Variants in ACE observed in about 807,000 individuals in gnomAD.
ACE encodes angiotensin I converting enzyme.
Under a neutral mutation model 162.3 loss-of-function variants are expected in ACE, and 122 were observed. The observed-to-expected ratio is 0.75, with a 90% CI of 0.65 to 0.87. ACE has a LOEUF of 0.87. Ranked by LOEUF, ACE falls within the 40% of genes least tolerant of loss-of-function variation. The pLI is 0.00. For synonymous variants in ACE, 796 were observed against 720.6 expected (o/e 1.10, Z -1.68); for missense variants, 1,799 against 1,735.1 (o/e 1.04, Z -0.65).
intron 15 of ACE, among the ~76,000 whole-genome samples, chr17:63,487,621 T>C (rs1215862432): frequency 2.0e-5 from 3 of 152,166 alleles, no homozygotes; most frequent in Non-Finnish European, 2.9e-5. Flanking sequence ...AGACAGCTCT[T>C]GACTGTCCTC....
In ACE at chr17:63,481,756, G is replaced by C. The variant is rs776700969; in HGVS notation, c.1118+18G>C. The C allele has an allele frequency of 5.0e-6, 8 of 1,613,970 alleles. No individual in the cohort carries two copies. The East Asian group carries it at 1.8e-4, about 36-fold the overall frequency. On this transcript the variant is annotated intron_variant, in intron 7 of 24. Coordinates refer to ENST00000290866, the MANE Select transcript of ACE (RefSeq NM_000789.4). ...GACTTCAGGTTCAGACATGGGAAGAGCACGTTCTGGGGTTCCCCGGTTCTG... is the reference window on the plus strand; with the variant it reads ...GACTTCAGGTTCAGACATGGGAAGACCACGTTCTGGGGTTCCCCGGTTCTG...
In ACE at chr17:63,486,598, C is replaced by T. The variant is rs780199864; in HGVS notation, c.2100C>T (p.Tyr700=). ...NMQIANHTLK[Y]GTQARKFDVN... ...AAATAGCCAACCACACCCTGAAGTA[C>T]GGCACCCAGGCCAGGAAGTTTGATG... The change falls in exon 14 of 25, where the codon TAC becomes TAT. Residue 700 remains tyrosine (Y), a synonymous_variant. Transcript: ENST00000290866. The T allele has an allele frequency of 8.1e-6, 13 of 1,614,216 alleles. No individual in the cohort carries two copies. Among genetic ancestry groups the T allele is most frequent in the Admixed American group, 6.7e-5 (4 of 60,028 alleles).
At chr17:63,478,788 G>C in intron 2 of ACE, 1 of 611,504 alleles carries the variant, frequency 1.6e-6, no homozygotes, top group South Asian at 1.8e-5. Flanking sequence ...TGACTTTCAG[G>C]ACTCCTGTCC....
At chr17:63,483,734 C>A in intron 10 of ACE, 115 bp from the exon 11 acceptor site, 13 of 1,580,124 alleles carry the variant, frequency 8.2e-6, no homozygotes, top group Non-Finnish European at 1.1e-5. Flanking sequence ...CCCTTCTCCC[C>A]CAAGATAGCT....
At position 63,483,563 on chromosome 17, in the gene ACE, T is replaced by C; in HGVS notation, c.1586+5T>C. 6.2e-7 allele frequency: 1 copy of C among 1,608,354 alleles called. No homozygotes were observed. Among genetic ancestry groups the C allele is most frequent in the East Asian group, 2.2e-5 (1 of 44,774 alleles). ...AAATGTGACACCATACATCAGGTAT[T>C]AGCGCCCCCACCCCACCCACCCCCA... is the stretch of plus-strand genomic sequence containing the variant. On this transcript the variant is annotated splice_donor_5th_base_variant and intron_variant, in intron 10 of 24. Transcript: ENST00000290866.
rs767425642 is a variant in ACE at position 63,489,010 on chromosome 17, G to T, written c.2519G>T (p.Arg840Leu). 1.2e-6 allele frequency: 2 copies of T among 1,614,114 alleles called. No individual in the cohort carries two copies. Among genetic ancestry groups the T allele is most frequent in the Non-Finnish European group, 1.7e-6 (2 of 1,180,024 alleles). ...ETPSLEQDLE[R>L]LFQELQPLYL... ...CCATCCCTGGAGCAAGACCTGGAGC[G>T]GCTCTTCCAGGAGCTGCAGCCACTC... The change falls in exon 17 of 25, where the codon CGG becomes CTG. Residue 840 changes from arginine (R) to leucine (L), a missense_variant. Transcript: ENST00000290866.
chr17:63,477,677 C>G (rs1200629185), intron 1 of ACE: 2 of 548,402 alleles, frequency 3.6e-6, no homozygotes, highest in African/African-American at 1.9e-5. Flanking sequence ...CCGCACTGCA[C>G]TGTCCATCCA....
Position 63,479,103 on chromosome 17 carries a change from A to G in ACE, c.511+3A>G. ...CACCTGCTGGTCCCTGGACCCAGGT[A>G]CGGCCCTTGCAGCTCCCCTCTCGGC... On this transcript the variant is annotated splice_donor_region_variant and intron_variant, in intron 3 of 24. Coordinates refer to ENST00000290866, the MANE Select transcript of ACE (RefSeq NM_000789.4). 1.9e-6 allele frequency: 3 copies of G among 1,610,618 alleles called. No individual in the cohort carries two copies. Among genetic ancestry groups the G allele is most frequent in the Non-Finnish European group, 2.5e-6 (3 of 1,178,500 alleles).
At position 63,496,920 on chromosome 17, in the gene ACE, G is replaced by C. The variant is rs538166970; in HGVS notation, c.3626G>C (p.Arg1209Pro). The C allele has an allele frequency of 6.2e-7, 1 of 1,613,562 alleles. No homozygotes were observed. Among genetic ancestry groups the C allele is most frequent in the South Asian group, 1.1e-5 (1 of 91,044 alleles). ...SYFKPLLDWLRTENELHGEKL... is the reference protein window; with the variant it reads ...SYFKPLLDWLPTENELHGEKL... ...TTCAAGCCGCTGCTGGACTGGCTCC[G>C]CACGGAGAACGAGCTGCATGGGGAG... Residue 1209 changes from arginine (R) to proline (P), a missense_variant, in exon 24 of 25, where the codon CGC becomes CCC. By Grantham distance (103) the Arg-to-Pro change is moderately radical. Coordinates refer to ENST00000290866, the MANE Select transcript of ACE (RefSeq NM_000789.4).
At chr17:63,493,310 G>A in intron 19 of ACE, 126 bp from the exon 20 acceptor site, 1 of 886,004 alleles carries the variant, frequency 1.1e-6, no homozygotes, top group Non-Finnish European at 1.8e-6. Context: ...TCCCCACAGT[G>A]CTGTGTCCCC....
At chr17:63,486,526 G>A (rs374689483) in intron 13 of ACE, 31 bp from the exon 14 acceptor site, 11 of 1,612,994 alleles carry the variant, frequency 6.8e-6, no homozygotes, top group Non-Finnish European at 1.7e-6. Flanking sequence ...GAGCTCCTGG[G>A]CCCTGTGACA....
In ACE at chr17:63,483,052, A is replaced by C. The variant is rs2049738166; in HGVS notation, c.1366A>C (p.Lys456Gln). The C allele has an allele frequency of 6.2e-7, 1 of 1,614,190 alleles. No individual in the cohort carries two copies. Among genetic ancestry groups the C allele is most frequent in the East Asian group, 2.2e-5 (1 of 44,886 alleles). The change falls in exon 9 of 25, where the codon AAA (lysine) becomes CAA (glutamine). Residue 456 changes from lysine (K) to glutamine (Q), a missense_variant. Physicochemically the swap from Lys to Gln is moderately conservative, Grantham distance 53. Transcript: ENST00000290866. ...AGAAAGTGACATCAATTACTTGCTA[A>C]AAATGGCACTGGAAAAAATTGCCTT... ...DTESDINYLL[K>Q]MALEKIAFLP...
In ACE at chr17:63,484,547, G is replaced by T. The variant is rs1489674309; in HGVS notation, c.1921+6G>T. 1 of 1,608,930 alleles carries T rather than the reference G, an allele frequency of 6.2e-7. No individual in the cohort carries two copies. The highest frequency in any genetic ancestry group is 1.7e-5 in the Admixed American group (1 of 59,588). ...CAACTACCCGGAGGGCATAGGTAAA[G>T]CCCTGAGTGAGGATGGTGTGGGGCT... On this transcript the variant is annotated splice_donor_region_variant and intron_variant, in intron 12 of 24. Transcript: ENST00000290866. This position sits in a 1 kb window ranked among gnomAD's most constrained non-coding sequence, Gnocchi z 4.0.
intron 7 of ACE, 33 bp downstream of exon 7, chr17:63,481,771 C>T (rs1281368270): frequency 1.2e-6 from 2 of 1,613,456 alleles, no homozygotes; most frequent in Admixed American, 1.7e-5. Flanking sequence ...TTCTGGGGTT[C>T]CCCGGTTCTG....
At chr17:63,496,659 T>G in intron 23 of ACE, 139 bp from the exon 24 acceptor site, 1 of 1,578,040 alleles carries the variant, frequency 6.3e-7, no homozygotes, top group South Asian at 1.1e-5. Flanking sequence ...CAGGCCTGAT[T>G]GCCATCTCCT....
In ACE at chr17:63,488,953, C is replaced by T. The variant is rs781086412; in HGVS notation, c.2462C>T (p.Ala821Val). 6.2e-6 allele frequency: 10 copies of T among 1,614,060 alleles called. No individual in the cohort carries two copies. The South Asian group carries it at 1.1e-4, about 18-fold the overall frequency. The change falls in exon 17 of 25, where the codon GCA (alanine) becomes GTA (valine). Residue 821 changes from alanine to valine, a missense_variant. Transcript: ENST00000290866. ...GTCCCCTCTGTAGGCTATGTAGATG[C>T]AGGGGACTCGTGGAGGTCTATGTAC... ...QAARLNGYVDAGDSWRSMYET... is the reference protein window; with the variant it reads ...QAARLNGYVDVGDSWRSMYET...
In ACE at chr17:63,483,920, C is replaced by T; in HGVS notation, c.1658C>T (p.Pro553Leu). The T allele has an allele frequency of 6.2e-7, 1 of 1,614,146 alleles. No homozygotes were observed. The highest frequency in any genetic ancestry group is 8.5e-7 in the Non-Finnish European group (1 of 1,180,040). ...TGCAAGGAGGCAGGCTATGAGGGCC[C>T]ACTGCACCAGTGTGACATCTACCGG... The part of the protein sequence containing the change: ...ALCKEAGYEG[P>L]LHQCDIYRST... Residue 553 changes from proline to leucine, a missense_variant, in exon 11 of 25, where the codon CCA becomes CTA. Pro to Leu is a moderately conservative substitution (Grantham distance 98, BLOSUM62 -3). Coordinates refer to ENST00000290866, the MANE Select transcript of ACE (RefSeq NM_000789.4).
chr17:63,485,723 C>T (rs1051907936), intron 13 of ACE: 5 of 343,568 alleles, frequency 1.5e-5, no homozygotes, highest in Admixed American at 8.3e-5. Flanking sequence ...TGCAGTGAGC[C>T]GAGATGGCAC....
intron 15 of ACE, among the ~76,000 whole-genome samples, chr17:63,487,457 C>T (rs2030036489): frequency 6.6e-6 from 1 of 152,150 alleles, no homozygotes; most frequent in Non-Finnish European, 1.5e-5. Context: ...CCCTTGACTT[C>T]CTCACCTTCT....
Sources: allele counts gnomAD v4.1 joint callset (sites outside exome capture counted in the v4.1 genomes callset), GRCh38; gene constraint gnomAD v4.1.1; non-coding constraint Gnocchi (gnomAD v3.1); transcripts MANE v1.5; gene names NCBI Gene and HGNC (gene_info 2026-07-23, HGNC 2026-07-21).